The following NRG3 variants were observed in gnomAD, a reference collection of about 807,000 sequenced individuals.
The protein encoded by NRG3 is neuregulin 3.
NRG3 carries 31 observed loss-of-function variants against 66.9 expected under a neutral mutation model. The observed-to-expected ratio is 0.46, with a 90% CI of 0.35 to 0.63. The LOEUF is 0.63. Among genes scored for constraint, NRG3 ranks in the 20% least tolerant of loss-of-function variants. The pLI, the probability that NRG3 is intolerant of heterozygous loss-of-function variation, is 0.00. For missense variants in NRG3, 910 were observed against 878.9 expected (o/e 1.04, Z -0.45); for synonymous variants, 393 against 359.4 (o/e 1.09, Z -1.06).
At chr10:82,451,462 A>G (rs1049808073) in intron 2 of NRG3, among the ~76,000 whole-genome samples, 3 of 152,194 alleles carry the variant, frequency 2.0e-5, no homozygotes, top group African/African-American at 7.2e-5. Flanking sequence ...AAATATTAAC[A>G]TTAGAAAATT....
intron 2 of NRG3, among the ~76,000 whole-genome samples, chr10:82,459,761 C>T (rs1239492153): frequency 6.6e-6 from 1 of 152,148 alleles, no homozygotes; most frequent in African/African-American, 2.4e-5. Context: ...GCCATGATTC[C>T]CTGGGAATAC....
At chr10:81,900,463 G>A (rs1006739048) in intron 1 of NRG3, among the ~76,000 whole-genome samples, 4 of 152,314 alleles carry the variant, frequency 2.6e-5, no homozygotes, top group Admixed American at 2.6e-4. Context: ...AATACGTTGT[G>A]AATTACAAGT....
At chr10:82,724,831 C>A (rs112397568) in intron 2 of NRG3, among the ~76,000 whole-genome samples, 4 of 152,250 alleles carry the variant, frequency 2.6e-5, no homozygotes, top group African/African-American at 9.6e-5. Flanking sequence ...TAATGTCAAT[C>A]ATAAGGATGC....
At chr10:82,261,358 C>T (rs1341325039) in intron 1 of NRG3, among the ~76,000 whole-genome samples, 2 of 152,198 alleles carry the variant, frequency 1.3e-5, no homozygotes. Flanking sequence ...TTTCCTGAGG[C>T]CTCCCCAGCC....
intron 1 of NRG3, among the ~76,000 whole-genome samples, chr10:82,046,898 C>T (rs1449433198): frequency 7.1e-6 from 1 of 140,482 alleles, no homozygotes; most frequent in Non-Finnish European, 1.6e-5. Flanking sequence ...TTGAACCAGC[C>T]TTGCATCCCA....
At chr10:82,460,834 C>G (rs1044551636) in intron 2 of NRG3, among the ~76,000 whole-genome samples, 1 of 152,206 alleles carries the variant, frequency 6.6e-6, no homozygotes, top group Non-Finnish European at 1.5e-5. Flanking sequence ...GCCCTCTATC[C>G]TCCCACATGC....
At chr10:82,217,132 G>T (rs1027810629) in intron 1 of NRG3, among the ~76,000 whole-genome samples, 2 of 152,082 alleles carry the variant, frequency 1.3e-5, no homozygotes, top group African/African-American at 4.8e-5. Flanking sequence ...TCCTAGGAAG[G>T]TCTAGAATGG....
chr10:82,214,623 T>C, intron 1 of NRG3, among the ~76,000 whole-genome samples: 1 of 151,800 alleles, frequency 6.6e-6, no homozygotes, highest in Non-Finnish European at 1.5e-5. Flanking sequence ...CCACCACACC[T>C]GGCTAATTAA....
chr10:81,964,557 T>C (rs960955703), intron 1 of NRG3, among the ~76,000 whole-genome samples: 2 of 152,136 alleles, frequency 1.3e-5, no homozygotes. Flanking sequence ...CTGAATACAA[T>C]ACCCTAGTAA....
intron 2 of NRG3, among the ~76,000 whole-genome samples, chr10:82,565,653 G>C (rs1421193535): frequency 6.6e-6 from 1 of 152,040 alleles, no homozygotes; most frequent in Non-Finnish European, 1.5e-5. Context: ...GTTGATTGGA[G>C]AATTTGTGAT....
At chr10:82,667,395 C>T (rs1024140042) in intron 2 of NRG3, among the ~76,000 whole-genome samples, 2 of 152,044 alleles carry the variant, frequency 1.3e-5, no homozygotes, top group African/African-American at 2.4e-5. Flanking sequence ...CAGGGCTTAG[C>T]GATCTGATGT....
intron 1 of NRG3, among the ~76,000 whole-genome samples, chr10:82,079,919 A>C (rs1590032660): frequency 6.6e-6 from 1 of 152,170 alleles, no homozygotes; most frequent in African/African-American, 2.4e-5. Context: ...ATAAAGATTT[A>C]TTTGGTTATG....
Position 82,898,169 on chromosome 10 carries a change from G to A in NRG3, c.1054+32732G>A, listed in dbSNP as rs148666980. Reference sequence around the variant, plus strand: ...TTCCACAGCCTCTTGCTCCACATTGGGACAACCCTGAGTCTGTCCACACTG... The same window carrying A: ...TTCCACAGCCTCTTGCTCCACATTGAGACAACCCTGAGTCTGTCCACACTG... On this transcript the variant is annotated intron_variant, in intron 4 of 8. Transcript: ENST00000372141. Among the ~76,000 whole-genome samples, 468 of 152,222 alleles carry A rather than the reference G, an allele frequency of 3.1e-3. 8 individuals carry two copies. The highest frequency in any genetic ancestry group is 0.01 in the African/African-American group (417 of 41,546).
chr10:82,723,764 C>G (rs2251932), intron 2 of NRG3, among the ~76,000 whole-genome samples: 97,749 of 151,364 alleles, frequency 0.65, 31,931 homozygotes, highest in East Asian at 0.84. Context: ...CAGATCACTT[C>G]AGGTCAGGAG....
chr10:82,849,347 A>G (rs2063458377), intron 3 of NRG3, among the ~76,000 whole-genome samples: 1 of 152,100 alleles, frequency 6.6e-6, no homozygotes, highest in African/African-American at 2.4e-5. Context: ...TCAGACTTCC[A>G]CCTTCCAGAA....
At chr10:82,330,817 T>A (rs2082106601) in intron 1 of NRG3, among the ~76,000 whole-genome samples, 1 of 152,324 alleles carries the variant, frequency 6.6e-6, no homozygotes, top group African/African-American at 2.4e-5. Context: ...GTGTTTCTTT[T>A]AAATTGGCAT....
intron 1 of NRG3, among the ~76,000 whole-genome samples, chr10:82,122,256 T>C (rs533601515): frequency 6.6e-6 from 1 of 152,266 alleles, no homozygotes; most frequent in African/African-American, 2.4e-5. Flanking sequence ...ACTTTTTGCA[T>C]GGGTAGGGCA....
At position 82,833,355 on chromosome 10, in the gene NRG3, G is replaced by A. The variant is rs77692331; in HGVS notation, c.1028-32056G>A. The stretch of plus-strand genomic sequence containing the variant: ...GCTATTCTGCTCTCTAGGAAGATAG[G>A]GAGTCTCAATCCTGACCCAGACTCA... On this transcript the variant is annotated intron_variant, in intron 3 of 8. Coordinates refer to ENST00000372141, the MANE Select transcript of NRG3 (RefSeq NM_001010848.4). Among the ~76,000 whole-genome samples the A allele has an allele frequency of 1.6e-3, 249 of 152,138 alleles. 1 individual carries two copies. Among genetic ancestry groups the A allele is most frequent in the African/African-American group, 5.7e-3 (235 of 41,516 alleles).
chr10:82,845,407 A>T (rs1333254402), intron 3 of NRG3, among the ~76,000 whole-genome samples: 1 of 152,146 alleles, frequency 6.6e-6, no homozygotes, highest in East Asian at 1.9e-4. Flanking sequence ...TTCCTTTTTT[A>T]CACTTATGTC....
Sources: gnomAD v4.1 joint callset for allele counts (sites outside exome capture counted in the v4.1 genomes callset) on GRCh38, gnomAD v4.1.1 for gene constraint, MANE v1.5 for transcripts, NCBI Gene and HGNC (gene_info 2026-07-23, HGNC 2026-07-21) for gene names.